Variants in EVC2 observed in about 807,000 individuals in gnomAD.
EVC2 encodes the protein limbin.
In EVC2, 148 loss-of-function variants were observed where a neutral mutation model predicts 149.3. That is an observed-to-expected ratio of 0.99 (90% CI 0.87 to 1.14). The LOEUF (loss-of-function observed/expected upper bound fraction) is 1.14. EVC2 is among the 50% of genes most tolerant of loss of function. The pLI is 0.00. For missense variants in EVC2, 1,854 were observed against 1,627.3 expected, an observed-to-expected ratio of 1.14 and a Z score of -2.40; for synonymous variants, 776 against 649.9, an observed-to-expected ratio of 1.19 and a Z score of -2.95.
At chr4:5,594,880 G>T (rs1319492465) in intron 16 of EVC2, among the ~76,000 whole-genome samples, 1 of 152,206 alleles carries the variant, frequency 6.6e-6, no homozygotes, top group African/African-American at 2.4e-5. Context: ...CAAAGGAGCT[G>T]ATGGAGCTGA....
intron 16 of EVC2, among the ~76,000 whole-genome samples, chr4:5,609,211 AC>A (rs1193424195): frequency 6.6e-6 from 1 of 151,408 alleles, no homozygotes; most frequent in African/African-American, 2.4e-5. Flanking sequence ...CTACCCTCTT[AC>A]CTCCCTATCT....
chr4:5,701,910 G>T (rs1174533812), intron 1 of EVC2, among the ~76,000 whole-genome samples: 1 of 151,866 alleles, frequency 6.6e-6, no homozygotes, highest in Non-Finnish European at 1.5e-5. Context: ...CCACAATCCA[G>T]CAACCTCTCA....
At chr4:5,541,951 T>A (rs1721522196), downstream of EVC2, among the ~76,000 whole-genome samples, 1 of 152,130 alleles carries the variant, frequency 6.6e-6, no homozygotes, top group African/African-American at 2.4e-5. Flanking sequence ...GAAACCCTAA[T>A]TTCAATGTGA....
intron 9 of EVC2, among the ~76,000 whole-genome samples, chr4:5,654,973 T>G (rs1351130084): frequency 6.6e-6 from 1 of 152,202 alleles, no homozygotes; most frequent in Non-Finnish European, 1.5e-5. Flanking sequence ...CTGCTTTTCT[T>G]GGCTTCCTCC....
At position 5,708,493 on chromosome 4, in the gene EVC2, C is replaced by G; in HGVS notation, c.21G>C (p.Arg7=). 6.8e-7 allele frequency: 1 copy of G among 1,480,814 alleles called. No homozygotes were observed. The highest frequency in any genetic ancestry group is 1.3e-5 in the South Asian group (1 of 77,794). The allele number at this position is 1,480,814 out of a possible 1,614,324, so 91.7% of individuals were successfully genotyped here. A position where few individuals can be genotyped will look rare whatever the true frequency, so the allele number is the denominator to read the frequency against. The change falls in exon 1 of 22, where the codon CGG becomes CGC. Residue 7 remains arginine, a synonymous_variant. Transcript: ENST00000344408. MDPSGS[R]GRPTWVLAGG... is the part of the protein sequence containing the mutation. ...CGGCCAGCACCCACGTGGGGCGCCC[C>G]CGGGAGCCCGAGGGGTCCATCGCCT...
the EVC2 span, among the ~76,000 whole-genome samples, chr4:5,531,303 G>A: frequency 6.6e-6 from 1 of 152,156 alleles, no homozygotes; most frequent in Admixed American, 6.5e-5. Flanking sequence ...TTGGTTTCAG[G>A]AGATTGGTTC....
At chr4:5,668,672 T>C (rs1465947389) in intron 7 of EVC2, among the ~76,000 whole-genome samples, 2 of 152,242 alleles carry the variant, frequency 1.3e-5, no homozygotes, top group African/African-American at 4.8e-5. Flanking sequence ...ATCAGCAATC[T>C]GTTTTCAAGA....
At chr4:5,585,256 C>A (rs909613256) in intron 16 of EVC2, among the ~76,000 whole-genome samples, 7 of 152,174 alleles carry the variant, frequency 4.6e-5, no homozygotes, top group African/African-American at 1.7e-4. Context: ...CTACCCCACT[C>A]ACACATGCAC....
intron 9 of EVC2, among the ~76,000 whole-genome samples, chr4:5,643,882 G>A (rs374722859): frequency 8.5e-5 from 13 of 152,238 alleles, no homozygotes; most frequent in East Asian, 1.9e-4. Flanking sequence ...GCAATAGGGC[G>A]AGACTGTCTC....
rs1341765676 is a variant in EVC2 at position 5,567,437 on chromosome 4, G to A, written c.3557+1007C>T. 6.6e-6 allele frequency among the ~76,000 whole-genome samples: 1 copy of A among 152,162 alleles called. No homozygotes were observed. Among genetic ancestry groups the A allele is most frequent in the Admixed American group, 6.5e-5 (1 of 15,280 alleles). ...CTATCTACACAGTCATGATGGTTCA[G>A]CAGGCTCTCGGGCTCCCAGATGCCC... On this transcript the variant is annotated intron_variant, in intron 20 of 21. Coordinates refer to ENST00000344408, the MANE Select transcript of EVC2 (RefSeq NM_147127.5). This position sits in a 1 kb window ranked among gnomAD's most constrained non-coding sequence, Gnocchi z 4.4.
intron 12 of EVC2, among the ~76,000 whole-genome samples, chr4:5,627,248 A>T (rs902972333): frequency 2.6e-5 from 4 of 152,162 alleles, no homozygotes; most frequent in African/African-American, 7.2e-5. Flanking sequence ...TAGTAGATAC[A>T]TGTTTTAGAA....
At chr4:5,561,392 G>A (rs1284562318), downstream of EVC2, among the ~76,000 whole-genome samples, 3 of 152,132 alleles carry the variant, frequency 2.0e-5, no homozygotes, top group Admixed American at 1.3e-4. Flanking sequence ...GAGGCCCACT[G>A]GACCTTCTGA....
At chr4:5,685,843 G>C (rs948572146) in intron 5 of EVC2, among the ~76,000 whole-genome samples, 1 of 152,194 alleles carries the variant, frequency 6.6e-6, no homozygotes, top group African/African-American at 2.4e-5. Context: ...AGCCCATCCT[G>C]CTCGGGAGAG....
rs1048135473 is a variant in EVC2, at chr4:5,679,208, A to G, written c.870+2052T>C. ...ATGACTGTACACGACTATAGACTTT[A>G]GAAACACTGTACCCTTAGGCTACAC... On this transcript the variant is annotated intron_variant, in intron 7 of 21. Transcript: ENST00000344408. This position sits in a 1 kb window ranked among gnomAD's most constrained non-coding sequence, Gnocchi z 5.1. 6.6e-6 allele frequency among the ~76,000 whole-genome samples: 1 copy of G among 152,090 alleles called. No individual in the cohort carries two copies. The highest frequency in any genetic ancestry group is 1.5e-5 in the Non-Finnish European group (1 of 68,020).
chr4:5,631,393 C>T (rs1273208231), intron 11 of EVC2, among the ~76,000 whole-genome samples: 1 of 152,140 alleles, frequency 6.6e-6, no homozygotes. Flanking sequence ...TATTTCCTTT[C>T]CACTGCTATA....
At position 5,618,201 on chromosome 4, in the gene EVC2, T is replaced by C. The variant is rs535358063; in HGVS notation, c.2706+277A>G. 5.3e-5 allele frequency among the ~76,000 whole-genome samples: 8 copies of C among 152,186 alleles called. No homozygotes were observed. Among genetic ancestry groups the C allele is most frequent in the East Asian group, 1.9e-4 (1 of 5,172 alleles). ...AGGCCAGGCAGCTTCCCTCAGGAGA[T>C]TGTGGCTGCGCAAGGCTGACACAGC... On this transcript the variant is annotated intron_variant, in intron 15 of 21. Coordinates refer to ENST00000344408, the MANE Select transcript of EVC2 (RefSeq NM_147127.5). The surrounding 1 kb of genome is among the most constrained non-coding windows in gnomAD (Gnocchi z 4.4).
the EVC2 span, among the ~76,000 whole-genome samples, chr4:5,533,956 C>T: frequency 6.6e-6 from 1 of 152,090 alleles, no homozygotes; most frequent in Non-Finnish European, 1.5e-5. Flanking sequence ...GGCAGAATTG[C>T]GATGAGCAAG....
At chr4:5,695,387 C>T (rs1721410839) in intron 2 of EVC2, among the ~76,000 whole-genome samples, 1 of 152,018 alleles carries the variant, frequency 6.6e-6, no homozygotes, top group Non-Finnish European at 1.5e-5. Flanking sequence ...AGAAATGACT[C>T]CCTTAGATTT....
chr4:5,622,859 G>T lies in EVC2; in HGVS notation c.2179C>A (p.Arg727Ser). ...HGATLEELQE[R>S]LDQAALDDLR... is the part of the protein sequence containing the mutation. ...TCGTCCAGGGCGGCCTGGTCCAGAC[G>T]CTCCTGCAGCTCCTCCAGGGTGGCA... Residue 727 changes from arginine to serine, a missense_variant, in exon 14 of 22, where the codon CGT becomes AGT. Transcript: ENST00000344408. This position sits in a 1 kb window ranked among gnomAD's most constrained non-coding sequence, Gnocchi z 5.8. 2 of 1,614,110 alleles carry T rather than the reference G, an allele frequency of 1.2e-6. No homozygotes were observed. The highest frequency in any genetic ancestry group is 1.7e-6 in the Non-Finnish European group (2 of 1,180,032).
Sources: gnomAD v4.1 joint callset for allele counts (sites outside exome capture counted in the v4.1 genomes callset) on GRCh38, gnomAD v4.1.1 for gene constraint, Gnocchi (gnomAD v3.1) non-coding constraint, MANE v1.5 for transcripts, NCBI Gene and HGNC (gene_info 2026-07-23, HGNC 2026-07-21) for gene names.